Variants in SLC38A10 observed in about 807,000 individuals in gnomAD.
SLC38A10 encodes Sodium-coupled neutral amino acid transporter 10.
In SLC38A10, 53 loss-of-function variants were observed where a neutral mutation model predicts 81.0. The observed-to-expected ratio is 0.65, with a 90% CI of 0.53 to 0.82. SLC38A10 has a LOEUF of 0.82. Among genes scored for constraint, SLC38A10 ranks in the 40% least tolerant of loss-of-function variants. The pLI, the probability that SLC38A10 is intolerant of heterozygous loss-of-function variation, is 0.00. For missense variants in SLC38A10, 1,471 were observed against 1,545.0 expected (o/e 0.95, Z 0.80); for synonymous variants, 665 against 655.3 (o/e 1.01, Z -0.23).
chr17:81,271,269 A>C (rs2063113369), intron 9 of SLC38A10, among the ~76,000 whole-genome samples: 1 of 152,206 alleles, frequency 6.6e-6, no homozygotes. Context: ...GTCAGACACT[A>C]GGGACCTCCT....
At position 81,289,939 on chromosome 17, in the gene SLC38A10, C is replaced by T. The variant is rs1017586490; in HGVS notation, c.100-131G>A. On this transcript the variant is annotated intron_variant, in intron 1 of 15. Transcript: ENST00000374759. The surrounding 1 kb of genome is among the most constrained non-coding windows in gnomAD (Gnocchi z 5.9). ...CTCCATCCCAGTCTCCTGCCGAACGCGACACTTCCTAGCACTGAAAGGGCC... is the reference window on the plus strand; with the variant it reads ...CTCCATCCCAGTCTCCTGCCGAACGTGACACTTCCTAGCACTGAAAGGGCC... The T allele has an allele frequency of 1.7e-5, 12 of 697,812 alleles. No homozygotes were observed. Among genetic ancestry groups the T allele is most frequent in the African/African-American group, 5.5e-5 (3 of 54,538 alleles). 43.2% of individuals were successfully genotyped at this position (697,812 alleles called of 1,614,324 possible).
rs1393625681 is a variant in SLC38A10, at chr17:81,272,528, G to C, written c.1012C>G (p.Leu338Val). The change falls in exon 9 of 16, where the codon CTT (leucine) becomes GTT (valine). Residue 338 changes from leucine (L) to valine (V), a missense_variant. Coordinates refer to ENST00000374759, the MANE Select transcript of SLC38A10 (RefSeq NM_001037984.3). ...VVFGTMVGGI[L>V]IPNVETILGL... Reference sequence around the variant, plus strand: ...CCTCCCGCCTTACCGTTGGGGATAAGGATGCCACCAACCATGGTTCCAAAC... The same window carrying C: ...CCTCCCGCCTTACCGTTGGGGATAACGATGCCACCAACCATGGTTCCAAAC... 1 of 1,595,414 alleles carries C rather than the reference G, an allele frequency of 6.3e-7. No individual in the cohort carries two copies.
chr17:81,259,822 A>G (rs938304834), intron 11 of SLC38A10, among the ~76,000 whole-genome samples: 1 of 152,230 alleles, frequency 6.6e-6, no homozygotes, highest in African/African-American at 2.4e-5. Flanking sequence ...TGAACAAATA[A>G]TAAATAACCT....
intron 8 of SLC38A10, among the ~76,000 whole-genome samples, chr17:81,273,784 G>A (rs1372922556): frequency 6.6e-6 from 1 of 152,200 alleles, no homozygotes; most frequent in Admixed American, 6.5e-5. Flanking sequence ...AGCCACGAGA[G>A]GTCAAGGGTG....
intron 3 of SLC38A10, 135 bp downstream of exon 3, chr17:81,284,715 T>C: frequency 1.5e-6 from 1 of 653,784 alleles, no homozygotes; most frequent in Non-Finnish European, 2.5e-6. Context: ...TAATTGGACT[T>C]TCATGTATTT....
At chr17:81,294,583 G>T (rs1025610194) in intron 1 of SLC38A10, among the ~76,000 whole-genome samples, 1 of 152,216 alleles carries the variant, frequency 6.6e-6, no homozygotes, top group East Asian at 1.9e-4. Flanking sequence ...TCGAGTTTTT[G>T]AGTGTGGGGA....
intron 2 of SLC38A10, among the ~76,000 whole-genome samples, chr17:81,287,174 A>G (rs1394288962): frequency 4.6e-5 from 7 of 152,228 alleles, no homozygotes; most frequent in Non-Finnish European, 7.3e-5. Context: ...AGGCTGGCAC[A>G]TGGCACTGGA....
intron 10 of SLC38A10, among the ~76,000 whole-genome samples, chr17:81,268,346 CA>C (rs35900115): frequency 0.29 from 44,480 of 151,678 alleles, 7,470 homozygotes; most frequent in African/African-American, 0.44. Context: ...GACCCCAGGA[CA>C]AAAAAACAAG....
intron 10 of SLC38A10, among the ~76,000 whole-genome samples, chr17:81,268,612 A>C (rs544415218): frequency 1.3e-5 from 2 of 152,238 alleles, no homozygotes; most frequent in African/African-American, 4.8e-5. Flanking sequence ...TGTCTTGTGG[A>C]GTTTTAAATA....
chr17:81,280,754 G>A (rs749263147), intron 5 of SLC38A10, 21 bp from the exon 6 acceptor site: 1 of 1,605,224 alleles, frequency 6.2e-7, no homozygotes, highest in Admixed American at 1.7e-5. Context: ...AGAGGGGAGA[G>A]AGCACGGGGC....
intron 4 of SLC38A10, among the ~76,000 whole-genome samples, chr17:81,282,871 T>C (rs1199755682): frequency 6.6e-6 from 1 of 152,182 alleles, no homozygotes; most frequent in Admixed American, 6.5e-5. Context: ...TTTGAAAGCC[T>C]TTCTACGCTG....
At position 81,272,641 on chromosome 17, in the gene SLC38A10, AAAC is replaced by A. The variant is rs759926317; in HGVS notation, c.913-17_913-15del. On this transcript the variant is annotated splice_polypyrimidine_tract_variant and intron_variant, in intron 8 of 15. Coordinates refer to ENST00000374759, the MANE Select transcript of SLC38A10 (RefSeq NM_001037984.3). ...GCCATCTTTTTGCTGTACAAAAGAA[AAAC>A]AAAAGGTTTTGAAATGACTGATTTC... is the stretch of plus-strand genomic sequence containing the variant. The A allele has an allele frequency of 6.6e-7, 1 of 1,522,928 alleles. No individual in the cohort carries two copies. Among genetic ancestry groups the A allele is most frequent in the Non-Finnish European group, 8.8e-7 (1 of 1,136,184 alleles). The allele number at this position is 1,522,928 out of a possible 1,614,324, so 94.3% of individuals were successfully genotyped here.
chr17:81,245,838 G>A lies in SLC38A10; in HGVS notation c.3078C>T (p.Val1026=). ...CATTGTCCGGCCTCTGGCCCCCCGG[G>A]ACAGCTCGTTTGAGCCCCAGCTCTG... ...PEPELGLKRA[V]PGGQRPDNAK... Residue 1026 remains valine, a synonymous_variant, in exon 16 of 16, where the codon GTC becomes GTT. Coordinates refer to ENST00000374759, the MANE Select transcript of SLC38A10 (RefSeq NM_001037984.3). The A allele has an allele frequency of 3.1e-6, 5 of 1,611,982 alleles. No homozygotes were observed. The highest frequency in any genetic ancestry group is 4.2e-6 in the Non-Finnish European group (5 of 1,179,414).
chr17:81,276,008 T>A lies in SLC38A10; in HGVS notation c.873A>T (p.Pro291=). The A allele has an allele frequency of 6.2e-7, 1 of 1,613,696 alleles. No homozygotes were observed. The change falls in exon 8 of 16, where the codon CCA becomes CCT. Residue 291 remains proline (P), a synonymous_variant. Transcript: ENST00000374759. This position sits in a 1 kb window ranked among gnomAD's most constrained non-coding sequence, Gnocchi z 4.7. The part of the protein sequence containing the change: ...VAVGFPMMIL[P]CRQALSTLLC... ...GCAGCGTGCTCAGGGCCTGCCTGCA[T>A]GGCAGGATCATCATGGGGAAGCCCA...
At chr17:81,293,194 AGGAGAAGGACCAGCTAC>A (rs2063323622) in intron 1 of SLC38A10, among the ~76,000 whole-genome samples, 1 of 152,222 alleles carries the variant, frequency 6.6e-6, no homozygotes, top group Non-Finnish European at 1.5e-5. Flanking sequence ...TTTGACTTGC[AGGAGAAGGACCAGCTAC>A]TGCTCCACAT....
At chr17:81,294,418 T>C (rs2063332198) in intron 1 of SLC38A10, among the ~76,000 whole-genome samples, 1 of 152,228 alleles carries the variant, frequency 6.6e-6, no homozygotes, top group African/African-American at 2.4e-5. Context: ...CCCTATCTAG[T>C]GTCGAAGCCT....
intron 14 of SLC38A10, chr17:81,249,939 C>T (rs1598377954): frequency 2.6e-6 from 2 of 759,574 alleles, no homozygotes; most frequent in South Asian, 1.7e-5. Context: ...GGTGCGTGCG[C>T]AGGTCTGGGG....
chr17:81,276,178 T>C lies in SLC38A10; in HGVS notation c.730-27A>G. The C allele has an allele frequency of 6.3e-7, 1 of 1,583,472 alleles. No individual in the cohort carries two copies. The highest frequency in any genetic ancestry group is 8.6e-7 in the Non-Finnish European group (1 of 1,163,162). ...TGTTGGAGAATAAGAAATGGCAACG[T>C]GGCAGACAGACATCCTAGCCGAGTG... is the stretch of plus-strand genomic sequence containing the variant. On this transcript the variant is annotated intron_variant, in intron 7 of 15. Coordinates refer to ENST00000374759, the MANE Select transcript of SLC38A10 (RefSeq NM_001037984.3). The surrounding 1 kb of genome is among the most constrained non-coding windows in gnomAD (Gnocchi z 4.7).
chr17:81,247,174 CCCGA>C, intron 14 of SLC38A10, 113 bp from the exon 15 acceptor site: 1 of 1,131,858 alleles, frequency 8.8e-7, no homozygotes, highest in Non-Finnish European at 1.2e-6. Context: ...AGGGAGTGTG[CCCGA>C]ACACTGGCCA....
Sources: allele counts gnomAD v4.1 joint callset (sites outside exome capture counted in the v4.1 genomes callset), GRCh38; gene constraint gnomAD v4.1.1; non-coding constraint Gnocchi (gnomAD v3.1); transcripts MANE v1.5; gene names NCBI Gene and HGNC (gene_info 2026-07-23, HGNC 2026-07-21).